LYPD6B: variants seen among roughly 807,000 people sequenced by gnomAD.
LYPD6B encodes the protein ly6/PLAUR domain-containing protein 6B.
A neutral mutation model predicts 22.8 loss-of-function variants in LYPD6B; 17 were observed. That is an observed-to-expected ratio of 0.75 (90% CI 0.51 to 1.12). LYPD6B has a LOEUF of 1.12. Among genes scored for constraint, LYPD6B ranks in the 50% most tolerant of loss-of-function variants. LYPD6B has a pLI of 0.00. For synonymous variants in LYPD6B, 106 were observed against 91.6 expected (o/e 1.16, Z -0.90); for missense variants, 221 against 258.3 (o/e 0.86, Z 0.99).
chr2:149,039,538 T>G (rs184956419), intron 1 of LYPD6B, among the ~76,000 whole-genome samples: 229 of 152,346 alleles, frequency 1.5e-3, no homozygotes, highest in Non-Finnish European at 2.8e-3. Flanking sequence ...TAACTAGCTG[T>G]GTGACCTTGG....
chr2:149,135,483 G>A (rs572388991), intron 2 of LYPD6B, among the ~76,000 whole-genome samples: 1 of 151,750 alleles, frequency 6.6e-6, no homozygotes, highest in Admixed American at 6.6e-5. Context: ...ACTTTGGAAG[G>A]CCAAGGCGGG....
At chr2:149,176,688 T>C (rs1369035527) in intron 3 of LYPD6B, among the ~76,000 whole-genome samples, 1 of 152,184 alleles carries the variant, frequency 6.6e-6, no homozygotes, top group Non-Finnish European at 1.5e-5. Context: ...GTCTGATGTT[T>C]TACTTTGGTG....
intron 1 of LYPD6B, among the ~76,000 whole-genome samples, chr2:149,094,802 A>G (rs1024963681): frequency 1.3e-5 from 2 of 152,160 alleles, no homozygotes; most frequent in Non-Finnish European, 2.9e-5. Context: ...GCTGCTTTGT[A>G]TGCTTGGCAT....
At chr2:149,093,450 G>A (rs1283873608) in intron 1 of LYPD6B, among the ~76,000 whole-genome samples, 1 of 152,164 alleles carries the variant, frequency 6.6e-6, no homozygotes, top group African/African-American at 2.4e-5. Flanking sequence ...TATTCGAAAA[G>A]GAAGTAAGAG....
At chr2:149,051,393 C>T (rs556442057) in intron 1 of LYPD6B, among the ~76,000 whole-genome samples, 3 of 151,976 alleles carry the variant, frequency 2.0e-5, no homozygotes, top group South Asian at 2.1e-4. Flanking sequence ...TCTCGATCTC[C>T]TGACCTCATG....
intron 5 of LYPD6B, among the ~76,000 whole-genome samples, chr2:149,211,331 GAAT>G (rs892835802): frequency 1.8e-4 from 28 of 152,096 alleles, no homozygotes; most frequent in African/African-American, 6.8e-4. Context: ...CTGAGGAGTA[GAAT>G]AATGTTCTGG....
intron 2 of LYPD6B, chr2:149,142,153 C>T (rs1688733491): frequency 1.3e-5 from 2 of 152,300 alleles, no homozygotes; most frequent in African/African-American, 4.8e-5. Context: ...CACTTAAGAC[C>T]AGTTAAATTC....
intron 3 of LYPD6B, among the ~76,000 whole-genome samples, chr2:149,200,077 G>A (rs1157935034): frequency 1.3e-5 from 2 of 152,144 alleles, no homozygotes; most frequent in African/African-American, 2.4e-5. Flanking sequence ...TTTCCACTTT[G>A]CCTTCTATTC....
At chr2:149,164,739 C>A (rs1185652222) in intron 3 of LYPD6B, among the ~76,000 whole-genome samples, 1 of 152,294 alleles carries the variant, frequency 6.6e-6, no homozygotes, top group East Asian at 1.9e-4. Flanking sequence ...GAATGTGCTG[C>A]CTCACTGGCC....
chr2:149,205,522 A>G, intron 4 of LYPD6B, 118 bp downstream of exon 4: 3 of 1,107,592 alleles, frequency 2.7e-6, no homozygotes, highest in Non-Finnish European at 3.9e-6. Flanking sequence ...TTATCCCTAG[A>G]ATAAAACAGA....
chr2:149,073,925 GAGA>G (rs1185765816), intron 1 of LYPD6B, among the ~76,000 whole-genome samples: 3 of 152,040 alleles, frequency 2.0e-5, no homozygotes, highest in Non-Finnish European at 2.9e-5. Flanking sequence ...TGTACGAAAG[GAGA>G]AGGAGGACAG....
intron 3 of LYPD6B, among the ~76,000 whole-genome samples, chr2:149,162,190 C>G (rs1559042902): frequency 6.6e-6 from 1 of 152,154 alleles, no homozygotes; most frequent in African/African-American, 2.4e-5. Context: ...AAATGTAACT[C>G]TATTATTAAC....
intron 1 of LYPD6B, among the ~76,000 whole-genome samples, chr2:149,115,334 T>A: frequency 6.6e-6 from 1 of 152,250 alleles, no homozygotes; most frequent in East Asian, 1.9e-4. Flanking sequence ...TTCTAAGCAG[T>A]TTTCTATCTA....
rs1310493036 is a variant in LYPD6B at position 149,107,577 on chromosome 2, C to A, written c.-66-23306C>A. Among the ~76,000 whole-genome samples, 3 of 152,174 alleles carry A rather than the reference C, an allele frequency of 2.0e-5. 1 individual carries two copies. Among genetic ancestry groups the A allele is most frequent in the Admixed American group, 2.0e-4 (3 of 15,268 alleles). Reference sequence around the variant, plus strand: ...ACTCTGATATGACATGTTTTGATTTCTATTTAATTCAGAACAATTTTAAAT... The same window carrying A: ...ACTCTGATATGACATGTTTTGATTTATATTTAATTCAGAACAATTTTAAAT... On this transcript the variant is annotated intron_variant, in intron 1 of 6. Transcript: ENST00000409642.
Position 149,132,705 on chromosome 2 carries a change from T to A in LYPD6B, c.5+1752T>A, listed in dbSNP as rs190393347. On this transcript the variant is annotated intron_variant, in intron 2 of 6. Transcript: ENST00000409642. ...CTGTGCTTGGCCCTGCCCCATTAAATTAGCTTTCCACTCTTGGTAGCTTGT... is the reference window on the plus strand; with the variant it reads ...CTGTGCTTGGCCCTGCCCCATTAAAATAGCTTTCCACTCTTGGTAGCTTGT... Among the ~76,000 whole-genome samples the A allele has an allele frequency of 2.6e-5, 4 of 152,290 alleles. No individual in the cohort carries two copies. The East Asian group carries it at 7.7e-4, about 29-fold the overall frequency.
chr2:149,110,218 T>TTTTCAAATTATTTTGAATTTGAA (rs1282121327), intron 1 of LYPD6B, among the ~76,000 whole-genome samples: 1 of 152,206 alleles, frequency 6.6e-6, no homozygotes, highest in East Asian at 1.9e-4. Flanking sequence ...TATATATTTC[T>TTTTCAAATTATTTTGAATTTGAA]ACTTAACTTT....
intron 1 of LYPD6B, among the ~76,000 whole-genome samples, chr2:149,093,460 G>A (rs566899306): frequency 1.6e-4 from 25 of 152,282 alleles, no homozygotes; most frequent in Non-Finnish European, 2.9e-4. Flanking sequence ...GGAAGTAAGA[G>A]TAGTCTACTG....
At chr2:149,056,769 A>G (rs1411992572) in intron 1 of LYPD6B, among the ~76,000 whole-genome samples, 2 of 152,120 alleles carry the variant, frequency 1.3e-5, no homozygotes, top group Non-Finnish European at 2.9e-5. Flanking sequence ...CCATGCGTTC[A>G]TCTTCAATAT....
chr2:149,095,714 T>C (rs1685873766), intron 1 of LYPD6B, among the ~76,000 whole-genome samples: 2 of 146,382 alleles, frequency 1.4e-5, no homozygotes, highest in Non-Finnish European at 3.0e-5. Context: ...TGCAAGGGGG[T>C]GAGAGAGTGA....
Sources: gnomAD v4.1 joint callset for allele counts (sites outside exome capture counted in the v4.1 genomes callset) on GRCh38, gnomAD v4.1.1 for gene constraint, MANE v1.5 for transcripts, NCBI Gene and HGNC (gene_info 2026-07-23, HGNC 2026-07-21) for gene names.